Variants in PLEKHA7 observed in about 807,000 individuals in gnomAD.
The protein encoded by PLEKHA7 is pleckstrin homology domain-containing family A member 7.
In PLEKHA7, 104 loss-of-function variants were observed where a neutral mutation model predicts 170.0. The observed-to-expected ratio is 0.61, with a 90% CI of 0.52 to 0.72. The LOEUF (loss-of-function observed/expected upper bound fraction) is 0.72, where lower values mean the gene tolerates loss of function less well. Ranked by LOEUF, PLEKHA7 falls within the 30% of genes least tolerant of loss-of-function variation. PLEKHA7 has a pLI of 0.00. For synonymous variants in PLEKHA7, 648 were observed against 660.8 expected (o/e 0.98, Z 0.30); for missense variants, 1,615 against 1,671.7 (o/e 0.97, Z 0.59).
At chr11:16,985,197 G>T (rs1863652799) in intron 3 of PLEKHA7, among the ~76,000 whole-genome samples, 1 of 152,240 alleles carries the variant, frequency 6.6e-6, no homozygotes, top group South Asian at 2.1e-4. Context: ...TTGGCATGCA[G>T]GTGCCCACTA....
intron 3 of PLEKHA7, among the ~76,000 whole-genome samples, chr11:16,910,556 C>A (rs1285082650): frequency 6.6e-6 from 1 of 152,212 alleles, no homozygotes; most frequent in Non-Finnish European, 1.5e-5. Context: ...CCCTGGAACA[C>A]GGCTTCCCCC....
At chr11:16,975,984 G>A (rs929576016) in intron 3 of PLEKHA7, among the ~76,000 whole-genome samples, 2 of 152,312 alleles carry the variant, frequency 1.3e-5, no homozygotes, top group East Asian at 3.9e-4. Context: ...TGGGCTAGCC[G>A]GCCCCCACCT....
chr11:16,949,937 A>T (rs1211500915), intron 3 of PLEKHA7, among the ~76,000 whole-genome samples: 2 of 151,846 alleles, frequency 1.3e-5, no homozygotes, highest in African/African-American at 2.4e-5. Context: ...AGAAAGTCAA[A>T]CTCTACAAGG....
intron 3 of PLEKHA7, among the ~76,000 whole-genome samples, chr11:16,978,742 G>A (rs912332715): frequency 3.3e-5 from 5 of 152,156 alleles, no homozygotes; most frequent in South Asian, 2.1e-4. Context: ...CTGGAAGGAC[G>A]GAGTCACCAT....
In PLEKHA7 at chr11:16,963,844, T is replaced by G. The variant is rs4757456; in HGVS notation, c.221+50145A>C. Among the ~76,000 whole-genome samples the G allele has an allele frequency of 9.3e-3, 1,409 of 152,216 alleles. 14 individuals carry two copies. Among genetic ancestry groups the G allele is most frequent in the Middle Eastern group, 0.031 (9 of 294 alleles). On this transcript the variant is annotated intron_variant, in intron 3 of 26. Transcript: ENST00000531066. ...AACCCTGCCCCCAGCCACCTCTCAT[T>G]GCTTTTATGTTTAAGGTCTTATTCT...
At chr11:16,849,386 G>C (rs924788433) in intron 8 of PLEKHA7, among the ~76,000 whole-genome samples, 2 of 152,086 alleles carry the variant, frequency 1.3e-5, no homozygotes, top group Non-Finnish European at 2.9e-5. Context: ...TGCCCAACTG[G>C]GCAGTGCTCA....
At chr11:16,964,415 T>A (rs7929137) in intron 3 of PLEKHA7, among the ~76,000 whole-genome samples, 126,207 of 152,132 alleles carry the variant, frequency 0.83, 52,806 homozygotes, top group South Asian at 0.91. Context: ...ACTATTTTAC[T>A]TTCCCACCAG....
In PLEKHA7 at chr11:16,786,279, T is replaced by G. The variant is rs1235687263; in HGVS notation, c.3466A>C (p.Thr1156Pro). Residue 1156 changes from threonine to proline, a missense_variant, in exon 24 of 27, where the codon ACT becomes CCT. Thr to Pro is a conservative substitution (Grantham distance 38). Transcript: ENST00000531066. ...GWLKVQAMPV[T>P]ELDLEPQDYD... is the part of the protein sequence containing the mutation. Reference sequence around the variant, plus strand: ...TCTTGAGGCTCCAGGTCCAACTCAGTGACAGGCATGGCCTGCACTTTCAAC... The same window carrying G: ...TCTTGAGGCTCCAGGTCCAACTCAGGGACAGGCATGGCCTGCACTTTCAAC... The G allele has an allele frequency of 6.5e-7, 1 of 1,536,172 alleles. No individual in the cohort carries two copies. The highest frequency in any genetic ancestry group is 1.2e-5 in the South Asian group (1 of 84,064).
chr11:17,002,333 G>A (rs992698), intron 3 of PLEKHA7, among the ~76,000 whole-genome samples: 43,476 of 151,886 alleles, frequency 0.29, 7,478 homozygotes, highest in Middle Eastern at 0.39. Context: ...GAGCCCAGGA[G>A]TTTGAAGTTA....
intron 17 of PLEKHA7, among the ~76,000 whole-genome samples, chr11:16,797,388 A>G (rs983879381): frequency 6.6e-6 from 1 of 152,212 alleles, no homozygotes; most frequent in Non-Finnish European, 1.5e-5. Flanking sequence ...GCACTGCATG[A>G]GCCTCATGGA....
chr11:16,999,986 C>T (rs139719627), intron 3 of PLEKHA7, among the ~76,000 whole-genome samples: 1 of 152,290 alleles, frequency 6.6e-6, no homozygotes, highest in Non-Finnish European at 1.5e-5. Flanking sequence ...GATGCAAACC[C>T]TAATACTCAC....
intron 3 of PLEKHA7, among the ~76,000 whole-genome samples, chr11:16,967,828 C>T (rs1862464867): frequency 6.6e-6 from 1 of 152,068 alleles, no homozygotes; most frequent in East Asian, 1.9e-4. Flanking sequence ...CACACACTTG[C>T]CAGCTTGCTG....
At chr11:16,947,676 G>A (rs1861122524) in intron 3 of PLEKHA7, among the ~76,000 whole-genome samples, 1 of 151,870 alleles carries the variant, frequency 6.6e-6, no homozygotes. Flanking sequence ...AGCACTTTGG[G>A]AGGCTGAGGC....
chr11:16,926,345 C>T (rs1250937988), intron 3 of PLEKHA7, among the ~76,000 whole-genome samples: 1 of 152,166 alleles, frequency 6.6e-6, no homozygotes, highest in African/African-American at 2.4e-5. Context: ...TCTCCTGGTC[C>T]TGCAGGCAAT....
chr11:16,847,673 TACA>T (rs1382897820), intron 8 of PLEKHA7, among the ~76,000 whole-genome samples: 8 of 151,524 alleles, frequency 5.3e-5, no homozygotes, highest in Non-Finnish European at 4.4e-5. Flanking sequence ...CTACTAAAAA[TACA>T]ACAACAACAA....
At chr11:16,786,968 TC>T in intron 23 of PLEKHA7, 1 of 985,388 alleles carries the variant, frequency 1.0e-6, no homozygotes. Context: ...ATGAGACCCA[TC>T]TATTTGAGAT....
intron 3 of PLEKHA7, among the ~76,000 whole-genome samples, chr11:16,942,415 C>A (rs1351666402): frequency 2.6e-5 from 4 of 152,174 alleles, no homozygotes; most frequent in Admixed American, 6.5e-5. Flanking sequence ...GACATTGGGG[C>A]CTTTAGCATC....
At chr11:16,848,912 A>G (rs1351638937) in intron 8 of PLEKHA7, among the ~76,000 whole-genome samples, 1 of 152,194 alleles carries the variant, frequency 6.6e-6, no homozygotes, top group Non-Finnish European at 1.5e-5. Flanking sequence ...AACACTGTGT[A>G]TTCCTTGGTA....
intron 3 of PLEKHA7, among the ~76,000 whole-genome samples, chr11:16,955,345 G>A (rs1180806770): frequency 5.9e-5 from 9 of 152,158 alleles, no homozygotes; most frequent in Non-Finnish European, 1.2e-4. Flanking sequence ...TGTATCCCAT[G>A]GAATAAACTG....
Sources: gnomAD v4.1 joint callset for allele counts (sites outside exome capture counted in the v4.1 genomes callset) on GRCh38, gnomAD v4.1.1 for gene constraint, MANE v1.5 for transcripts, NCBI Gene and HGNC (gene_info 2026-07-23, HGNC 2026-07-21) for gene names.